Variants in TENM3 observed in about 807,000 individuals in gnomAD.
TENM3 encodes the protein teneurin transmembrane protein 3.
A neutral mutation model predicts 255.1 loss-of-function variants in TENM3; 63 were observed. That is an observed-to-expected ratio of 0.25 (90% confidence interval 0.20 to 0.30). The LOEUF (loss-of-function observed/expected upper bound fraction) is 0.30. Ranked by LOEUF, TENM3 falls within the 10% of genes least tolerant of loss-of-function variation. The pLI, the probability that TENM3 is intolerant of heterozygous loss-of-function variation, is 1.00. For synonymous variants in TENM3, 1,306 were observed against 1,322.3 expected (o/e 0.99, Z 0.27); for missense variants, 2,929 against 3,461.1 (o/e 0.85, Z 3.86).
the TENM3 span, among the ~76,000 whole-genome samples, chr4:182,029,359 A>G: frequency 2.0e-5 from 3 of 152,302 alleles, no homozygotes; most frequent in East Asian, 5.8e-4. Context: ...ACACACATCC[A>G]AACTATATCA....
chr4:182,136,995 C>T, the TENM3 span, among the ~76,000 whole-genome samples: 1 of 151,286 alleles, frequency 6.6e-6, no homozygotes, highest in South Asian at 2.1e-4. Flanking sequence ...CCCAATACAA[C>T]GTTGTGTTAA....
chr4:182,631,710 C>T (rs1751391052), intron 5 of TENM3: 1 of 152,178 alleles, frequency 6.6e-6, no homozygotes, highest in African/African-American at 2.4e-5. Flanking sequence ...TGCAGCCTTC[C>T]TGAAGCTTTT....
the TENM3 span, among the ~76,000 whole-genome samples, chr4:181,455,859 G>T: frequency 1.3e-5 from 2 of 151,910 alleles, no homozygotes; most frequent in African/African-American, 4.8e-5. Flanking sequence ...ATTATAGAAT[G>T]GGGGCATTTC....
intron 22 of TENM3, among the ~76,000 whole-genome samples, chr4:182,766,411 A>C (rs534234790): frequency 1.3e-5 from 2 of 152,190 alleles, no homozygotes; most frequent in Admixed American, 1.3e-4. Flanking sequence ...CTTAAACATG[A>C]TTCTTCTCTT....
chr4:181,488,737 T>C, the TENM3 span, among the ~76,000 whole-genome samples: 2 of 152,196 alleles, frequency 1.3e-5, no homozygotes, highest in African/African-American at 4.8e-5. Context: ...TATATAGATA[T>C]AGATTATAAC....
the TENM3 span, chr4:182,012,799 T>C: frequency 2.0e-5 from 3 of 152,284 alleles, no homozygotes; most frequent in African/African-American, 7.2e-5. Context: ...CTTCATTAGA[T>C]GAAGGGAATA....
chr4:181,915,286 AT>A, the TENM3 span, among the ~76,000 whole-genome samples: 1 of 152,202 alleles, frequency 6.6e-6, no homozygotes, highest in Non-Finnish European at 1.5e-5. Context: ...AGAGTTTGCA[AT>A]AATCTTCTGA....
the TENM3 span, among the ~76,000 whole-genome samples, chr4:181,607,382 A>T: frequency 6.6e-6 from 1 of 151,284 alleles, no homozygotes; most frequent in East Asian, 2.0e-4. Context: ...AATTTCTTGA[A>T]TTTTATTTAG....
chr4:182,544,935 G>A (rs1479179107), intron 3 of TENM3, among the ~76,000 whole-genome samples: 1 of 152,158 alleles, frequency 6.6e-6, no homozygotes, highest in East Asian at 1.9e-4. Context: ...AAGAGTTAGG[G>A]TAGATCAGGA....
the TENM3 span, among the ~76,000 whole-genome samples, chr4:182,036,485 C>G: frequency 6.7e-6 from 1 of 150,364 alleles, no homozygotes; most frequent in Non-Finnish European, 1.5e-5. Flanking sequence ...ACCACCGCAC[C>G]CGGCCGATAA....
chr4:182,056,310 A>G, the TENM3 span, among the ~76,000 whole-genome samples: 1 of 152,166 alleles, frequency 6.6e-6, no homozygotes, highest in Non-Finnish European at 1.5e-5. Flanking sequence ...TCACGTTCCA[A>G]TTTGATGAAA....
At chr4:181,539,983 A>G in the TENM3 span, among the ~76,000 whole-genome samples, 1 of 152,188 alleles carries the variant, frequency 6.6e-6, no homozygotes, top group South Asian at 2.1e-4. Flanking sequence ...ATTTTCCAAT[A>G]AAAGGAACCA....
the TENM3 span, among the ~76,000 whole-genome samples, chr4:181,567,268 C>T: frequency 5.9e-5 from 9 of 152,116 alleles, no homozygotes; most frequent in Non-Finnish European, 1.0e-4. Flanking sequence ...TTAAGTTCTG[C>T]GCCCTTAGTA....
chr4:182,358,563 G>T (rs1360879138), intron 3 of TENM3, among the ~76,000 whole-genome samples: 1 of 152,112 alleles, frequency 6.6e-6, no homozygotes, highest in East Asian at 1.9e-4. Context: ...TTTGTAGATT[G>T]ATTTTGTATC....
At chr4:182,377,666 T>C (rs1767269899) in intron 3 of TENM3, among the ~76,000 whole-genome samples, 1 of 152,172 alleles carries the variant, frequency 6.6e-6, no homozygotes, top group Non-Finnish European at 1.5e-5. Context: ...TGATACACTA[T>C]ATATAAAGTC....
At chr4:181,593,213 T>A in the TENM3 span, among the ~76,000 whole-genome samples, 51 of 152,306 alleles carry the variant, frequency 3.3e-4, no homozygotes, top group Non-Finnish European at 5.6e-4. Flanking sequence ...TATTTTGTTT[T>A]AGTTGCAGAG....
the TENM3 span, among the ~76,000 whole-genome samples, chr4:182,095,556 G>A: frequency 5.9e-5 from 9 of 152,154 alleles, no homozygotes; most frequent in Non-Finnish European, 1.2e-4. Context: ...TAGTGGGGAG[G>A]GGAAGAAAAG....
chr4:182,693,528 G>A (rs1438971063), intron 12 of TENM3, among the ~76,000 whole-genome samples: 1 of 151,932 alleles, frequency 6.6e-6, no homozygotes, highest in African/African-American at 2.4e-5. Context: ...TAGTAGAGAT[G>A]GGGTTTCACC....
the TENM3 span, among the ~76,000 whole-genome samples, chr4:181,535,675 C>G: frequency 6.6e-6 from 1 of 152,180 alleles, no homozygotes; most frequent in Admixed American, 6.5e-5. Context: ...TTTGCCCTCA[C>G]CACTTTGACC....
Sources: gnomAD v4.1 joint callset for allele counts (sites outside exome capture counted in the v4.1 genomes callset) on GRCh38, gnomAD v4.1.1 for gene constraint, MANE v1.5 for transcripts, NCBI Gene and HGNC (gene_info 2026-07-23, HGNC 2026-07-21) for gene names.